SYNPO2L: variants seen among roughly 807,000 people sequenced by gnomAD.
SYNPO2L encodes synaptopodin 2-like protein.
Under a neutral mutation model 47.5 loss-of-function variants are expected in SYNPO2L, and 34 were observed. That is an observed-to-expected ratio of 0.72 (90% CI 0.54 to 0.95). SYNPO2L has a LOEUF of 0.95. SYNPO2L is among the 40% of genes least tolerant of loss of function. SYNPO2L has a pLI of 0.00. For synonymous variants in SYNPO2L, 536 were observed against 524.9 expected, an observed-to-expected ratio of 1.02 and a Z score of -0.29; for missense variants, 1,246 against 1,282.0, an observed-to-expected ratio of 0.97 and a Z score of 0.43.
Position 73,646,187 on chromosome 10 carries a change from C to A in SYNPO2L, c.*531G>T, listed in dbSNP as rs1448247191. On this transcript the variant is annotated 3_prime_UTR_variant, in exon 4 of 4. Coordinates refer to ENST00000394810, the MANE Select transcript of SYNPO2L (RefSeq NM_001114133.3). ...TGCCTTAGACGGAAGAGCACACACA[C>A]ACACACACACACACACACACACACA... is the stretch of plus-strand genomic sequence containing the variant. The A allele has an allele frequency of 1.1e-6, 1 of 911,354 alleles. No homozygotes were observed. The highest frequency in any genetic ancestry group is 6.3e-5 in the Admixed American group (1 of 15,772). The allele number at this position is 911,354 out of a possible 1,614,324, so 56.5% of individuals were successfully genotyped here.
At position 73,652,563 on chromosome 10, in the gene SYNPO2L, G is replaced by A. The variant is rs986752024; in HGVS notation, c.772+576C>T. ...CGGGTGCCTATAATCCCAGCTACTC[G>A]GGAGGCAGAGGCTGGAGAATCGCTT... On this transcript the variant is annotated intron_variant, in intron 3 of 3. Transcript: ENST00000394810. 5.3e-5 allele frequency among the ~76,000 whole-genome samples: 8 copies of A among 152,072 alleles called. No individual in the cohort carries two copies. In the East Asian group the frequency reaches 7.7e-4, roughly 15 times the overall value.
At chr10:73,650,350 G>T in intron 3 of SYNPO2L, 1 of 754,776 alleles carries the variant, frequency 1.3e-6, no homozygotes, top group African/African-American at 1.9e-5. Flanking sequence ...ACAGAATAGT[G>T]GTATGGATGA....
chr10:73,645,861 G>C lies in SYNPO2L; in HGVS notation c.*857C>G. The C allele has an allele frequency of 2.0e-6, 2 of 985,140 alleles. No individual in the cohort carries two copies. The highest frequency in any genetic ancestry group is 2.4e-6 in the Non-Finnish European group (2 of 829,318). The allele number at this position is 985,140 out of a possible 1,614,324, so 61.0% of individuals were successfully genotyped here. ...TTGTTTTGAGACAGAGTCTCGCTCC[G>C]TCGCCCAGGCTGGAGTGCAGTGGCG... On this transcript the variant is annotated 3_prime_UTR_variant, in exon 4 of 4. Transcript: ENST00000394810.
chr10:73,651,838 G>A (rs2081843204), intron 3 of SYNPO2L, among the ~76,000 whole-genome samples: 1 of 152,090 alleles, frequency 6.6e-6, no homozygotes, highest in Admixed American at 6.5e-5. Context: ...CACTTTGGGA[G>A]GCCGAGGCGG....
In SYNPO2L at chr10:73,655,928, A is replaced by T. The variant is rs2081876726; in HGVS notation, c.-6T>A. The T allele has an allele frequency of 2.6e-6, 4 of 1,549,678 alleles. No homozygotes were observed. The African/African-American group carries it at 4.1e-5, about 16-fold the overall frequency. On this transcript the variant is annotated 5_prime_UTR_variant, in exon 1 of 4. Transcript: ENST00000394810. Reference sequence around the variant, plus strand: ...ACCTCCTCCTCAGCACCCATCGCTCAGCTTGGCCTATGGCCCCCGGAGTTT... The same window carrying T: ...ACCTCCTCCTCAGCACCCATCGCTCTGCTTGGCCTATGGCCCCCGGAGTTT...
rs957946381 is a variant in SYNPO2L, at chr10:73,648,109, G to A, written c.1543C>T (p.Pro515Ser). The A allele has an allele frequency of 6.5e-7, 1 of 1,539,790 alleles. No individual in the cohort carries two copies. The highest frequency in any genetic ancestry group is 1.4e-5 in the African/African-American group (1 of 72,890). Residue 515 changes from proline (P) to serine (S), a missense_variant, in exon 4 of 4, where the codon CCC becomes TCC. Transcript: ENST00000394810. Reference protein sequence around the residue: ...APPPFLSSQGPTPLPSFTSGV... With the variant: ...APPPFLSSQGSTPLPSFTSGV... Reference sequence around the variant, plus strand: ...GAAGTGAAGCTGGGCAGAGGGGTGGGCCCCTGCGAAGACAAGAAGGGGGGT... The same window carrying A: ...GAAGTGAAGCTGGGCAGAGGGGTGGACCCCTGCGAAGACAAGAAGGGGGGT...
At position 73,648,261 on chromosome 10, in the gene SYNPO2L, A is replaced by C. The variant is rs1256960786; in HGVS notation, c.1391T>G (p.Phe464Cys). ...GGAPTPAPSI[F>C]NRSARPFTPG... ...GGTAAAGGGCCTGGCTGACCGGTTA[A>C]AGATGCTTGGAGCTGGGGTCGGGGC... The change falls in exon 4 of 4, where the codon TTT becomes TGT. Residue 464 changes from phenylalanine to cysteine, a missense_variant. Physicochemically the swap from Phe to Cys is radical, Grantham distance 205 (BLOSUM62 -2). This residue lies in a region of SYNPO2L where 1,037 missense variants were observed against 1,021.5 expected (regional missense o/e 1.02). Transcript: ENST00000394810. The C allele has an allele frequency of 1.3e-6, 2 of 1,599,076 alleles. No homozygotes were observed.
chr10:73,648,254 C>G lies in SYNPO2L; in HGVS notation c.1398G>C (p.Arg466=). ...GGCCCGGGGTAAAGGGCCTGGCTGA[C>G]CGGTTAAAGATGCTTGGAGCTGGGG... ...APTPAPSIFN[R]SARPFTPGLQ... Residue 466 remains arginine (R), a synonymous_variant, in exon 4 of 4, where the codon CGG becomes CGC. Transcript: ENST00000394810. The G allele has an allele frequency of 1.3e-6, 2 of 1,594,974 alleles. No individual in the cohort carries two copies. The highest frequency in any genetic ancestry group is 1.7e-6 in the Non-Finnish European group (2 of 1,174,530).
chr10:73,647,097 T>C lies in SYNPO2L; in HGVS notation c.2555A>G (p.His852Arg), dbSNP rs371598361. Residue 852 changes from histidine to arginine, a missense_variant, in exon 4 of 4, where the codon CAT (histidine) becomes CGT (arginine). This residue lies in a region of SYNPO2L where 1,037 missense variants were observed against 1,021.5 expected (regional missense o/e 1.02). Transcript: ENST00000394810. ...QGIKALDFMR[H>R]QPYQLKTAMF... is the part of the protein sequence containing the mutation. The stretch of plus-strand genomic sequence containing the variant: ...GGCAGTTTTAAGTTGATAGGGCTGA[T>C]GCCGCATAAAATCTAGAGCCTTGAT... 4 of 1,613,560 alleles carry C rather than the reference T, an allele frequency of 2.5e-6. No individual in the cohort carries two copies. In the African/African-American group the frequency reaches 5.4e-5, roughly 22 times the overall value.
At position 73,655,952 on chromosome 10, in the gene SYNPO2L, T is replaced by C. The variant is rs1249565554; in HGVS notation, c.-30A>G. The stretch of plus-strand genomic sequence containing the variant: ...CAGCTTGGCCTATGGCCCCCGGAGT[T>C]TGAACAGTGTCCCCAGGAGAGAAGT... On this transcript the variant is annotated 5_prime_UTR_variant, in exon 1 of 4. Transcript: ENST00000394810. The C allele has an allele frequency of 2.6e-5, 40 of 1,534,026 alleles. No individual in the cohort carries two copies. The East Asian group carries it at 4.7e-4, about 18-fold the overall frequency.
At position 73,646,396 on chromosome 10, in the gene SYNPO2L, G is replaced by C; in HGVS notation, c.*322C>G. The C allele has an allele frequency of 1.9e-6, 2 of 1,063,026 alleles. No individual in the cohort carries two copies. Among genetic ancestry groups the C allele is most frequent in the Non-Finnish European group, 2.3e-6 (2 of 881,688 alleles). The allele number at this position is 1,063,026 out of a possible 1,614,324, so 65.8% of individuals were successfully genotyped here. A position where few individuals can be genotyped will look rare whatever the true frequency, so the allele number is the denominator to read the frequency against. On this transcript the variant is annotated 3_prime_UTR_variant, in exon 4 of 4. Transcript: ENST00000394810. ...TCACTGAACATTAAAATGAGGCCCA[G>C]GGAGAAAAGCACAAATGTCAAGGAA... is the stretch of plus-strand genomic sequence containing the variant.
intron 3 of SYNPO2L, among the ~76,000 whole-genome samples, chr10:73,652,211 G>A (rs1166985315): frequency 6.6e-6 from 1 of 151,668 alleles, no homozygotes; most frequent in Non-Finnish European, 1.5e-5. Context: ...GGAGTGCAGT[G>A]GCGCAAACAT....
At chr10:73,654,446 G>A in intron 1 of SYNPO2L, 166 bp from the exon 2 acceptor site, 1 of 729,882 alleles carries the variant, frequency 1.4e-6, no homozygotes, top group Non-Finnish European at 2.2e-6. Context: ...CTAGAGGGAA[G>A]AAAGTATACA....
rs372513761 is a variant in SYNPO2L, at chr10:73,648,549, G to A, written c.1103C>T (p.Ala368Val). The A allele has an allele frequency of 8.1e-6, 13 of 1,614,058 alleles. No homozygotes were observed. The African/African-American group carries it at 1.3e-4, about 17-fold the overall frequency. Residue 368 changes from alanine (A) to valine (V), a missense_variant, in exon 4 of 4, where the codon GCA (alanine) becomes GTA (valine). Coordinates refer to ENST00000394810, the MANE Select transcript of SYNPO2L (RefSeq NM_001114133.3). Reference protein sequence around the residue: ...DMELARAGSRASEGQGSGLGG... With the variant: ...DMELARAGSRVSEGQGSGLGG... The stretch of plus-strand genomic sequence containing the variant: ...CAGCCCAGAGCCCTGGCCCTCTGAT[G>A]CTCTTGAGCCCGCCCTGGCAAGCTC...
chr10:73,647,653 C>T lies in SYNPO2L; in HGVS notation c.1999G>A (p.Gly667Ser), dbSNP rs775835367. 2 of 1,614,132 alleles carry T rather than the reference C, an allele frequency of 1.2e-6. No individual in the cohort carries two copies. The highest frequency in any genetic ancestry group is 2.2e-5 in the East Asian group (1 of 44,872). ...QNLDEKPRAGGAESGPEEDAL... is the reference protein window; with the variant it reads ...QNLDEKPRAGSAESGPEEDAL... The stretch of plus-strand genomic sequence containing the variant: ...TCTTCTTCAGGACCAGATTCTGCAC[C>T]CCCGGCCCGAGGCTTTTCATCCAGG... The change falls in exon 4 of 4, where the codon GGT (glycine) becomes AGT (serine). Residue 667 changes from glycine (G) to serine (S), a missense_variant. By Grantham distance (56) the Gly-to-Ser change is moderately conservative (BLOSUM62 0). This residue lies in a region of SYNPO2L where 1,037 missense variants were observed against 1,021.5 expected (regional missense o/e 1.02). Coordinates refer to ENST00000394810, the MANE Select transcript of SYNPO2L (RefSeq NM_001114133.3).
Position 73,648,800 on chromosome 10 carries a change from G to C in SYNPO2L, c.852C>G (p.Leu284=). The part of the protein sequence containing the change: ...KTKCRTIASL[L]TAAPNPHSKG... Reference sequence around the variant, plus strand: ...TGGAGTGGGGGTTGGGGGCTGCAGTGAGCAGGGATGCAATTGTCCTGCATT... The same window carrying C: ...TGGAGTGGGGGTTGGGGGCTGCAGTCAGCAGGGATGCAATTGTCCTGCATT... The change falls in exon 4 of 4, where the codon CTC becomes CTG. Residue 284 remains leucine, a synonymous_variant. Transcript: ENST00000394810. 6.3e-7 allele frequency: 1 copy of C among 1,595,440 alleles called. No individual in the cohort carries two copies. Among genetic ancestry groups the C allele is most frequent in the African/African-American group, 1.3e-5 (1 of 74,476 alleles).
chr10:73,653,133 A>G lies in SYNPO2L; in HGVS notation c.772+6T>C, dbSNP rs1010218186. ...CTGGCTGGGGAAAAGGGGTTCAGGC[A>G]CTCACTGGCTTGCTTGGCCTTCTGG... On this transcript the variant is annotated splice_donor_region_variant and intron_variant, in intron 3 of 3. Coordinates refer to ENST00000394810, the MANE Select transcript of SYNPO2L (RefSeq NM_001114133.3). 6.9e-7 allele frequency: 1 copy of G among 1,446,348 alleles called. No individual in the cohort carries two copies. Among genetic ancestry groups the G allele is most frequent in the Non-Finnish European group, 9.1e-7 (1 of 1,095,712 alleles). 89.6% of individuals were successfully genotyped at this position (1,446,348 alleles called of 1,614,324 possible). A position where few individuals can be genotyped will look rare whatever the true frequency, so the allele number is the denominator to read the frequency against.
At chr10:73,655,063 C>A (rs139398042) in intron 1 of SYNPO2L, among the ~76,000 whole-genome samples, 5 of 152,226 alleles carry the variant, frequency 3.3e-5, no homozygotes, top group African/African-American at 1.2e-4. Flanking sequence ...TGTATACACA[C>A]AAATGTATAT....
In SYNPO2L at chr10:73,647,009, A is replaced by T. The variant is rs771347274; in HGVS notation, c.2643T>A (p.Thr881=). 2 of 1,613,406 alleles carry T rather than the reference A, an allele frequency of 1.2e-6. No individual in the cohort carries two copies. The highest frequency in any genetic ancestry group is 1.7e-6 in the Non-Finnish European group (2 of 1,179,454). ...ACCGGCGAATCTCCTGGACTCGGGC[A>T]GTTTTGGGGGACCCTGAGGCGATAG... The part of the protein sequence containing the change: ...PGPIASGSPK[T]ARVQEIRRFS... Residue 881 remains threonine, a synonymous_variant, in exon 4 of 4, where the codon ACT becomes ACA. Coordinates refer to ENST00000394810, the MANE Select transcript of SYNPO2L (RefSeq NM_001114133.3).
Sources: allele counts gnomAD v4.1 joint callset (sites outside exome capture counted in the v4.1 genomes callset), GRCh38; gene constraint gnomAD v4.1.1; regional missense constraint gnomAD v4.1.1; transcripts MANE v1.5; gene names NCBI Gene and HGNC (gene_info 2026-07-23, HGNC 2026-07-21).